The following FGGY variants were observed in gnomAD, a reference collection of about 807,000 sequenced individuals.
FGGY encodes the protein FGGY carbohydrate kinase domain-containing protein.
In FGGY, 72 loss-of-function variants were observed where a neutral mutation model predicts 71.3. That is an observed-to-expected ratio of 1.01 (90% confidence interval 0.84 to 1.23). The LOEUF (loss-of-function observed/expected upper bound fraction) is 1.23, where lower values mean the gene tolerates loss of function less well. FGGY is among the 50% of genes most tolerant of loss of function. FGGY has a pLI of 0.00. For synonymous variants in FGGY, 251 were observed against 250.3 expected (o/e 1.00, Z -0.02); for missense variants, 668 against 682.3 (o/e 0.98, Z 0.23).
At chr1:59,624,176 A>G (rs1033834328) in intron 9 of FGGY, among the ~76,000 whole-genome samples, 3 of 151,988 alleles carry the variant, frequency 2.0e-5, no homozygotes, top group Non-Finnish European at 2.9e-5. Flanking sequence ...ATTTTGAAAC[A>G]TTTCCACAAA....
chr1:59,572,733 G>A (rs558398410), intron 8 of FGGY, among the ~76,000 whole-genome samples: 5 of 152,278 alleles, frequency 3.3e-5, no homozygotes, highest in Admixed American at 1.3e-4. Flanking sequence ...TGTGAAAACT[G>A]TTGAGGCTGC....
chr1:59,702,312 A>G (rs1425248365), intron 14 of FGGY, among the ~76,000 whole-genome samples: 1 of 152,188 alleles, frequency 6.6e-6, no homozygotes, highest in Non-Finnish European at 1.5e-5. Flanking sequence ...AGAAATCACT[A>G]TTCCAAATTC....
rs1557732211 is a variant in FGGY, at chr1:59,378,787, CTTTGA to C, written c.506_510del (p.Phe169SerfsTer23). On this transcript the variant is annotated frameshift_variant, in exon 5 of 16. Transcript: ENST00000303721. LOFTEE classifies it high-confidence loss of function. ...TTTGCTGGGATAAGGCGGGACATTT[CTTTGA>C]TCTCCCGGACTTCTTATCGTGGAAG... 6.2e-7 allele frequency: 1 copy of C among 1,613,564 alleles called. No individual in the cohort carries two copies. Among genetic ancestry groups the C allele is most frequent in the Non-Finnish European group, 8.5e-7 (1 of 1,179,670 alleles).
chr1:59,600,440 T>G (rs72919608), intron 8 of FGGY, among the ~76,000 whole-genome samples: 11,344 of 152,152 alleles, frequency 0.075, 731 homozygotes, highest in African/African-American at 0.18. Flanking sequence ...AAATTGTCAT[T>G]GCACACATAG....
intron 5 of FGGY, among the ~76,000 whole-genome samples, chr1:59,398,611 T>C (rs1005083513): frequency 6.6e-6 from 1 of 152,184 alleles, no homozygotes; most frequent in Non-Finnish European, 1.5e-5. Flanking sequence ...GACCTTCCTG[T>C]TTACCTCCAT....
rs748250544 is a variant in FGGY, at chr1:59,757,923, T to C, written c.1513-8T>C. 1 of 1,611,298 alleles carries C rather than the reference T, an allele frequency of 6.2e-7. No individual in the cohort carries two copies. Among genetic ancestry groups the C allele is most frequent in the Admixed American group, 1.7e-5 (1 of 59,868 alleles). On this transcript the variant is annotated splice_polypyrimidine_tract_variant and splice_region_variant and intron_variant, in intron 14 of 15. Coordinates refer to ENST00000303721, the MANE Select transcript of FGGY (RefSeq NM_018291.5). ...ACTCAGCTGTCTATGTTGTTTTCCA[T>C]TTAATAGGAAGCAATGGCAAAAATG...
At chr1:59,349,923 G>A (rs1326087192) in intron 4 of FGGY, among the ~76,000 whole-genome samples, 2 of 151,830 alleles carry the variant, frequency 1.3e-5, no homozygotes, top group African/African-American at 4.8e-5. Flanking sequence ...CAAGTTCACG[G>A]GTGATGCTAA....
intron 5 of FGGY, among the ~76,000 whole-genome samples, chr1:59,422,371 T>A (rs1311420598): frequency 6.6e-6 from 1 of 152,164 alleles, no homozygotes; most frequent in Non-Finnish European, 1.5e-5. Flanking sequence ...GTCAAGTTTT[T>A]TGTTGGTGTT....
intron 4 of FGGY, among the ~76,000 whole-genome samples, chr1:59,371,710 C>G (rs1410367696): frequency 3.3e-5 from 5 of 152,168 alleles, no homozygotes; most frequent in African/African-American, 1.2e-4. Context: ...CAAACTGTCT[C>G]TCAGACCACA....
chr1:59,573,824 A>G (rs915771484), intron 8 of FGGY, among the ~76,000 whole-genome samples: 3 of 152,192 alleles, frequency 2.0e-5, no homozygotes, highest in Middle Eastern at 3.2e-3. Context: ...AATAAAAGCT[A>G]TATAATGGAT....
At chr1:59,711,615 G>A (rs1403334476) in intron 14 of FGGY, among the ~76,000 whole-genome samples, 1 of 152,160 alleles carries the variant, frequency 6.6e-6, no homozygotes, top group African/African-American at 2.4e-5. Flanking sequence ...GAGGTTCCAT[G>A]TGGCTGGAGA....
At chr1:59,475,477 A>G (rs1236503617) in intron 6 of FGGY, among the ~76,000 whole-genome samples, 1 of 152,210 alleles carries the variant, frequency 6.6e-6, no homozygotes, top group African/African-American at 2.4e-5. Context: ...TTCATGCACT[A>G]TTGTGCTTTT....
chr1:59,344,275 A>G (rs1362846933), intron 3 of FGGY, among the ~76,000 whole-genome samples: 1 of 150,858 alleles, frequency 6.6e-6, no homozygotes, highest in African/African-American at 2.4e-5. Context: ...GACCTTATTT[A>G]GGTATCTTCT....
intron 6 of FGGY, among the ~76,000 whole-genome samples, chr1:59,501,976 T>C (rs942820460): frequency 1.3e-5 from 2 of 152,242 alleles, no homozygotes; most frequent in African/African-American, 2.4e-5. Flanking sequence ...TATCTGACTT[T>C]TGTCTAGCAT....
intron 6 of FGGY, among the ~76,000 whole-genome samples, chr1:59,505,052 A>G (rs534333636): frequency 6.6e-6 from 1 of 152,310 alleles, no homozygotes; most frequent in African/African-American, 2.4e-5. Flanking sequence ...AACACAACGT[A>G]AGGGTCATAA....
At chr1:59,537,890 A>C (rs2153680706) in intron 7 of FGGY, among the ~76,000 whole-genome samples, 1 of 152,362 alleles carries the variant, frequency 6.6e-6, no homozygotes, top group Non-Finnish European at 1.5e-5. Context: ...AAACCATAAA[A>C]ATCCTAGAGG....
intron 5 of FGGY, 33 bp from the exon 6 acceptor site, chr1:59,456,928 T>G: frequency 2.7e-6 from 4 of 1,502,612 alleles, no homozygotes; most frequent in Non-Finnish European, 3.7e-6. Flanking sequence ...ACTCATATGG[T>G]CAGTTCTATC....
At chr1:59,614,672 T>G (rs981917006) in intron 9 of FGGY, among the ~76,000 whole-genome samples, 15 of 152,190 alleles carry the variant, frequency 9.9e-5, no homozygotes, top group African/African-American at 2.2e-4. Context: ...GAGAAGGAAA[T>G]AAAGGGTATT....
chr1:59,730,890 CA>C (rs144809796), intron 14 of FGGY, among the ~76,000 whole-genome samples: 11 of 152,336 alleles, frequency 7.2e-5, no homozygotes, highest in African/African-American at 2.6e-4. Flanking sequence ...GGACAACATG[CA>C]AAGTGATTTA....
Sources: allele counts gnomAD v4.1 joint callset (sites outside exome capture counted in the v4.1 genomes callset), GRCh38; gene constraint gnomAD v4.1.1; transcripts MANE v1.5; gene names NCBI Gene and HGNC (gene_info 2026-07-23, HGNC 2026-07-21).